Variants in MTRF1 observed in about 807,000 individuals in gnomAD.
MTRF1 encodes peptide chain release factor 1, mitochondrial.
MTRF1 carries 51 observed loss-of-function variants against 62.9 expected under a neutral mutation model. The ratio of observed to expected loss-of-function variants is 0.81; its 90% CI spans 0.65 to 1.02. The LOEUF (loss-of-function observed/expected upper bound fraction) is 1.02. Among genes scored for constraint, MTRF1 ranks in the 50% least tolerant of loss-of-function variants. The pLI is 0.00. For synonymous variants in MTRF1, 158 were observed against 181.9 expected (o/e 0.87, Z 1.06); for missense variants, 446 against 530.0 (o/e 0.84, Z 1.56).
chr13:41,306,480 T>A, the MTRF1 span, among the ~76,000 whole-genome samples: 1 of 152,090 alleles, frequency 6.6e-6, no homozygotes, highest in Non-Finnish European at 1.5e-5. Flanking sequence ...ACCTGATAAG[T>A]TATTTTCCCA....
the MTRF1 span, among the ~76,000 whole-genome samples, chr13:41,301,897 GTCTCT>G: frequency 3.3e-4 from 51 of 152,320 alleles, no homozygotes; most frequent in South Asian, 0.01. Context: ...ATGACTCCCA[GTCTCT>G]TCTCTTCTCT....
intron 7 of MTRF1, 78 bp downstream of exon 7, chr13:41,233,812 C>T: frequency 3.6e-6 from 4 of 1,111,678 alleles, no homozygotes; most frequent in South Asian, 1.3e-5. Context: ...ACCAGACACT[C>T]ATATAGGACT....
the MTRF1 span, chr13:41,288,229 G>T: frequency 2.3e-6 from 1 of 430,306 alleles, no homozygotes. Flanking sequence ...TAGTGATAAT[G>T]CATTGGGAAA....
chr13:41,308,299 C>A, the MTRF1 span, among the ~76,000 whole-genome samples: 3 of 152,134 alleles, frequency 2.0e-5, no homozygotes, highest in African/African-American at 7.2e-5. Context: ...TTGTATATTT[C>A]TTTTAAAAAT....
the MTRF1 span, chr13:41,311,116 C>T: frequency 7.3e-6 from 2 of 275,644 alleles, no homozygotes; most frequent in Middle Eastern, 1.2e-3. Flanking sequence ...CAGGGGGTGC[C>T]GAGATTGCGG....
the MTRF1 span, among the ~76,000 whole-genome samples, chr13:41,293,947 G>A: frequency 1.3e-5 from 2 of 151,836 alleles, no homozygotes; most frequent in Non-Finnish European, 2.9e-5. Flanking sequence ...AACCAGGTAG[G>A]TAAAAAAAGA....
At chr13:41,291,566 C>T in the MTRF1 span, among the ~76,000 whole-genome samples, 4 of 152,064 alleles carry the variant, frequency 2.6e-5, no homozygotes, top group African/African-American at 9.7e-5. Flanking sequence ...GCTCCTTCCC[C>T]ACCCCTACTC....
At chr13:41,281,388 TTTAAA>T in the MTRF1 span, among the ~76,000 whole-genome samples, 3 of 152,146 alleles carry the variant, frequency 2.0e-5, no homozygotes, top group Non-Finnish European at 4.4e-5. Flanking sequence ...TGTTTTTTTT[TTTAAA>T]TAGCACTTTG....
At chr13:41,233,018 C>T (rs955005271) in intron 7 of MTRF1, among the ~76,000 whole-genome samples, 27 of 152,004 alleles carry the variant, frequency 1.8e-4, no homozygotes, top group Admixed American at 1.7e-3. Flanking sequence ...TATATGAACA[C>T]AGTGAAAATT....
intron 5 of MTRF1, among the ~76,000 whole-genome samples, chr13:41,245,360 C>T (rs1030437759): frequency 1.3e-5 from 2 of 151,996 alleles, no homozygotes; most frequent in Non-Finnish European, 2.9e-5. Context: ...CCCACCTCAG[C>T]CACTGGAGCA....
At chr13:41,219,998 C>CAAAAAAAAAAAAAAA (rs71086550) in intron 9 of MTRF1, among the ~76,000 whole-genome samples, 1 of 70,364 alleles carries the variant, frequency 1.4e-5, no homozygotes, top group Non-Finnish European at 2.5e-5. Flanking sequence ...ACCTCTGTCT[C>CAAAAAAAAAAAAAAA]AAAAAAAAAA....
At chr13:41,254,051 A>G (rs895901675) in intron 3 of MTRF1, among the ~76,000 whole-genome samples, 1 of 152,256 alleles carries the variant, frequency 6.6e-6, no homozygotes, top group African/African-American at 2.4e-5. Context: ...ATGCTGATAC[A>G]GTATCATCAA....
At chr13:41,243,338 G>A (rs1219520470) in intron 5 of MTRF1, among the ~76,000 whole-genome samples, 1 of 149,930 alleles carries the variant, frequency 6.7e-6, no homozygotes, top group Non-Finnish European at 1.5e-5. Flanking sequence ...GAGCCCAGTT[G>A]AGGCTGCAGC....
At position 41,259,913 on chromosome 13, in the gene MTRF1, T is replaced by C. The variant is rs544684500; in HGVS notation, c.415+580A>G. ...TAAATAAGTTTCTCTCACTGGACCA[T>C]AGAAGCCCACTGATGGGGTAGGAAC... On this transcript the variant is annotated intron_variant, in intron 2 of 9. Coordinates refer to ENST00000379480, the MANE Select transcript of MTRF1 (RefSeq NM_004294.4). Among the ~76,000 whole-genome samples, 3 of 152,160 alleles carry C rather than the reference T, an allele frequency of 2.0e-5. No homozygotes were observed. In the South Asian group the frequency reaches 6.2e-4, roughly 32 times the overall value.
At chr13:41,274,072 T>C in the MTRF1 span, among the ~76,000 whole-genome samples, 1 of 152,218 alleles carries the variant, frequency 6.6e-6, no homozygotes, top group African/African-American at 2.4e-5. Context: ...AGGCAGGTTT[T>C]GCCCTAAGTA....
chr13:41,232,953 A>G (rs144929281), intron 7 of MTRF1, among the ~76,000 whole-genome samples: 207 of 152,344 alleles, frequency 1.4e-3, no homozygotes, highest in African/African-American at 4.7e-3. Flanking sequence ...ACTCTAGGAA[A>G]TGAAATCACA....
the MTRF1 span, among the ~76,000 whole-genome samples, chr13:41,308,568 G>C: frequency 1.9e-4 from 29 of 152,280 alleles, no homozygotes; most frequent in South Asian, 6.0e-3. Context: ...CTGTGTGCTT[G>C]CTCAGTTCTC....
the MTRF1 span, among the ~76,000 whole-genome samples, chr13:41,290,824 G>A: frequency 6.6e-6 from 1 of 151,570 alleles, no homozygotes; most frequent in African/African-American, 2.4e-5. Flanking sequence ...TGGACGCAGT[G>A]GCTCATGCCT....
the MTRF1 span, among the ~76,000 whole-genome samples, chr13:41,275,870 C>T: frequency 1.3e-5 from 2 of 152,056 alleles, no homozygotes; most frequent in Non-Finnish European, 2.9e-5. Context: ...ATATTTATGT[C>T]AAATTAAGCA....
Sources: allele counts gnomAD v4.1 joint callset (sites outside exome capture counted in the v4.1 genomes callset), GRCh38; gene constraint gnomAD v4.1.1; transcripts MANE v1.5; gene names NCBI Gene and HGNC (gene_info 2026-07-23, HGNC 2026-07-21).